Variants in USP49 observed in about 807,000 individuals in gnomAD.
The protein encoded by USP49 is ubiquitin specific peptidase 49.
Under a neutral mutation model 58.6 loss-of-function variants are expected in USP49, and 24 were observed. The ratio of observed to expected loss-of-function variants is 0.41; its 90% CI spans 0.30 to 0.58. USP49 has a LOEUF of 0.58. Among genes scored for constraint, USP49 ranks in the 20% least tolerant of loss-of-function variants. USP49 has a pLI of 0.30. For missense variants in USP49, 703 were observed against 866.1 expected, an observed-to-expected ratio of 0.81 and a Z score of 2.36; for synonymous variants, 408 against 365.1, an observed-to-expected ratio of 1.12 and a Z score of -1.34.
intron 3 of USP49, 40 bp from the exon 4 acceptor site, chr6:41,807,051 A>AAAAGAC (rs1773152268): frequency 7.5e-7 from 1 of 1,325,882 alleles, no homozygotes; most frequent in African/African-American, 1.5e-5. Flanking sequence ...AAGAAAAAGA[A>AAAAGAC]AACACTTTTA....
At chr6:41,831,154 G>A (rs566463137) in intron 3 of USP49, among the ~76,000 whole-genome samples, 5 of 152,294 alleles carry the variant, frequency 3.3e-5, no homozygotes, top group African/African-American at 1.2e-4. Flanking sequence ...CACTTTGGGA[G>A]GCTGAGGCGG....
At chr6:41,802,646 AATTG>A (rs371793628) in intron 5 of USP49, among the ~76,000 whole-genome samples, 32 of 151,352 alleles carry the variant, frequency 2.1e-4, no homozygotes, top group African/African-American at 6.8e-4. Context: ...TGTGACTGAA[AATTG>A]ATTTCTAGGT....
At chr6:41,868,146 G>A (rs1034707434) in intron 3 of USP49, among the ~76,000 whole-genome samples, 1 of 152,232 alleles carries the variant, frequency 6.6e-6, no homozygotes, top group South Asian at 2.1e-4. Context: ...ATGTGACTTT[G>A]GGCAAATTAC....
intron 2 of USP49, among the ~76,000 whole-genome samples, chr6:41,878,174 C>T (rs769181878): frequency 7.2e-5 from 11 of 152,044 alleles, no homozygotes; most frequent in South Asian, 4.2e-4. Flanking sequence ...TTCTTTGCTA[C>T]CAAAGAAAGC....
At chr6:41,802,460 ATTT>A (rs1773030942) in intron 5 of USP49, among the ~76,000 whole-genome samples, 1 of 71,398 alleles carries the variant, frequency 1.4e-5, no homozygotes, top group Non-Finnish European at 2.7e-5. Flanking sequence ...TTATTTATTT[ATTT>A]ATTTATTTTT....
chr6:41,886,472 AT>A (rs1225960374), intron 2 of USP49: 4 of 152,194 alleles, frequency 2.6e-5, no homozygotes, highest in Non-Finnish European at 5.9e-5. Context: ...GCTACCTCCA[AT>A]TTTTGTCAAG....
In USP49 at chr6:41,806,339, C is replaced by T. The variant is rs1239547719; in HGVS notation, c.645G>A (p.Thr215=). 8 of 1,529,356 alleles carry T rather than the reference C, an allele frequency of 5.2e-6. No individual in the cohort carries two copies. Among genetic ancestry groups the T allele is most frequent in the Non-Finnish European group, 7.0e-6 (8 of 1,149,460 alleles). The allele number at this position is 1,529,356 out of a possible 1,614,324, so 94.7% of individuals were successfully genotyped here. A position where few individuals can be genotyped will look rare whatever the true frequency, so the allele number is the denominator to read the frequency against. Residue 215 remains threonine, a synonymous_variant, in exon 4 of 8, where the codon ACG becomes ACA. Coordinates refer to ENST00000682992, the MANE Select transcript of USP49 (RefSeq NM_001286554.2). The surrounding 1 kb of genome is among the most constrained non-coding windows in gnomAD (Gnocchi z 5.9). The part of the protein sequence containing the change: ...PRKSARLLLH[T]PRDAGPAASR... ...AGGCAGCCGGGCCCGCGTCGCGGGG[C>T]GTGTGCAGGAGCAGCCGTGCACTCT... is the stretch of plus-strand genomic sequence containing the variant.
In USP49 at chr6:41,881,288, C is replaced by CAAAAAAAAAAA. The variant is rs57022965; in HGVS notation, c.-102-9662_-102-9652dup. 3.8e-3 allele frequency among the ~76,000 whole-genome samples: 78 copies of CAAAAAAAAAAA among 20,388 alleles called. 9 individuals carry two copies. The highest frequency in any genetic ancestry group is 7.6e-3 in the South Asian group (2 of 264). 13.4% of individuals were successfully genotyped at this position (20,388 alleles called of 152,430 possible). On this transcript the variant is annotated intron_variant, in intron 2 of 7. Transcript: ENST00000682992. ...TGTTCAGAAATATGGCATTAAATAC[C>CAAAAAAAAAAA]AAAAAAAAAAAAAAAAAAAAAAAAA...
At chr6:41,811,612 T>G (rs1773258492) in intron 3 of USP49, among the ~76,000 whole-genome samples, 1 of 152,184 alleles carries the variant, frequency 6.6e-6, no homozygotes, top group South Asian at 2.1e-4. Flanking sequence ...TACCCCCTTA[T>G]AATGCCAAGA....
intron 3 of USP49, among the ~76,000 whole-genome samples, chr6:41,809,323 G>C (rs540235290): frequency 6.6e-6 from 1 of 151,596 alleles, no homozygotes; most frequent in African/African-American, 2.4e-5. Context: ...AGGAGCTCGA[G>C]ACCAGACTGA....
At chr6:41,846,151 A>G (rs765969307) in intron 3 of USP49, among the ~76,000 whole-genome samples, 6 of 152,114 alleles carry the variant, frequency 3.9e-5, no homozygotes, top group Non-Finnish European at 8.8e-5. Flanking sequence ...CCCCTCCTTT[A>G]CTAAAAATAC....
intron 2 of USP49, among the ~76,000 whole-genome samples, chr6:41,881,689 G>C (rs1457328205): frequency 1.3e-5 from 2 of 152,028 alleles, no homozygotes; most frequent in African/African-American, 2.4e-5. Flanking sequence ...CCAGCAAAGA[G>C]AAAAAGAAGA....
intron 3 of USP49, among the ~76,000 whole-genome samples, chr6:41,812,120 C>T (rs1279818585): frequency 1.3e-5 from 2 of 151,668 alleles, no homozygotes; most frequent in Non-Finnish European, 2.9e-5. Flanking sequence ...GCTCTTGTTG[C>T]CCAGGCTAGA....
At chr6:41,847,561 A>G (rs1037391975) in intron 3 of USP49, among the ~76,000 whole-genome samples, 2 of 152,126 alleles carry the variant, frequency 1.3e-5, no homozygotes, top group Non-Finnish European at 2.9e-5. Context: ...TAAAAATACA[A>G]AAATTAGCTG....
chr6:41,814,216 C>T (rs1299866300), intron 3 of USP49, among the ~76,000 whole-genome samples: 2 of 152,192 alleles, frequency 1.3e-5, no homozygotes, highest in Non-Finnish European at 2.9e-5. Context: ...GGTCGATCTG[C>T]ATATGAGGAA....
chr6:41,852,947 TGA>T (rs1233343222), intron 3 of USP49, among the ~76,000 whole-genome samples: 3 of 152,228 alleles, frequency 2.0e-5, no homozygotes. Flanking sequence ...CCCAGCACTT[TGA>T]GAGGCCTAGG....
intron 3 of USP49, among the ~76,000 whole-genome samples, chr6:41,810,999 T>C (rs527456344): frequency 6.6e-6 from 1 of 152,284 alleles, no homozygotes; most frequent in South Asian, 2.1e-4. Flanking sequence ...GCCCCTTTAA[T>C]TTTCCAGATG....
intron 3 of USP49, among the ~76,000 whole-genome samples, chr6:41,850,793 C>T (rs778240438): frequency 6.6e-6 from 1 of 151,542 alleles, no homozygotes; most frequent in Non-Finnish European, 1.5e-5. Context: ...AGTAGAGATG[C>T]GGTTTCACCA....
intron 3 of USP49, among the ~76,000 whole-genome samples, chr6:41,863,617 T>C (rs755653638): frequency 1.3e-5 from 2 of 152,240 alleles, no homozygotes; most frequent in African/African-American, 4.8e-5. Flanking sequence ...TATTTAACTT[T>C]CCTGAATTTG....
Sources: allele counts gnomAD v4.1 joint callset (sites outside exome capture counted in the v4.1 genomes callset), GRCh38; gene constraint gnomAD v4.1.1; non-coding constraint Gnocchi (gnomAD v3.1); transcripts MANE v1.5; gene names NCBI Gene and HGNC (gene_info 2026-07-23, HGNC 2026-07-21).